The following CUX1 variants were observed in gnomAD, a reference collection of about 807,000 sequenced individuals.
CUX1 encodes the protein cut like homeobox 1.
A neutral mutation model predicts 158.8 loss-of-function variants in CUX1; 31 were observed. The ratio of observed to expected loss-of-function variants is 0.20; its 90% CI spans 0.15 to 0.26. The LOEUF is 0.26. Among genes scored for constraint, CUX1 ranks in the 10% least tolerant of loss-of-function variants. CUX1 has a pLI of 1.00. For missense variants in CUX1, 1,589 were observed against 2,014.6 expected (o/e 0.79, Z 4.04); for synonymous variants, 879 against 862.1 (o/e 1.02, Z -0.34).
intron 7 of CUX1, 76 bp from the exon 8 acceptor site, chr7:102,115,131 G>T: frequency 7.8e-7 from 1 of 1,287,668 alleles, no homozygotes; most frequent in South Asian, 1.3e-5. Context: ...TGCCTCTTTT[G>T]AAATGGGAAT....
chr7:102,046,512 C>T (rs555800312), intron 3 of CUX1, among the ~76,000 whole-genome samples: 7 of 151,334 alleles, frequency 4.6e-5, no homozygotes, highest in African/African-American at 1.7e-4. Flanking sequence ...GGATTACAGG[C>T]GTAAGCCACT....
At chr7:101,990,623 C>A (rs532888650) in intron 2 of CUX1, among the ~76,000 whole-genome samples, 1 of 152,114 alleles carries the variant, frequency 6.6e-6, no homozygotes, top group East Asian at 1.9e-4. Flanking sequence ...GTGACGCTCC[C>A]ACCTCGGCCT....
rs1311085453 is a variant in CUX1, at chr7:102,204,658, G to A, written c.3073+102G>A. The A allele has an allele frequency of 2.1e-5, 30 of 1,455,698 alleles. No homozygotes were observed. In the East Asian group the frequency reaches 2.8e-4, roughly 14 times the overall value. 90.2% of individuals were successfully genotyped at this position (1,455,698 alleles called of 1,614,324 possible). ...ATGCAGAGAGGGAGGAGGGAACTCC[G>A]CCCCAGGAGGTGGCCAACCACACTC... On this transcript the variant is annotated intron_variant, in intron 19 of 23. Transcript: ENST00000292535.
intron 6 of CUX1, 46 bp downstream of exon 6, chr7:102,104,505 C>T: frequency 6.3e-7 from 1 of 1,595,690 alleles, no homozygotes; most frequent in Non-Finnish European, 8.5e-7. Context: ...AGCATTTGCC[C>T]CTGAACTTCA....
intron 11 of CUX1, among the ~76,000 whole-genome samples, chr7:102,183,227 T>C (rs1554514502): frequency 6.6e-6 from 1 of 152,184 alleles, no homozygotes; most frequent in Non-Finnish European, 1.5e-5. Context: ...TTGGCCAGGC[T>C]GGTCACGAGC....
chr7:102,004,184 C>T (rs1318043628), intron 2 of CUX1, among the ~76,000 whole-genome samples: 2 of 152,154 alleles, frequency 1.3e-5, no homozygotes, highest in Admixed American at 6.6e-5. Flanking sequence ...CCCCAGAGCC[C>T]GGCTGTTACC....
chr7:102,161,929 A>C (rs1167119366), intron 9 of CUX1, among the ~76,000 whole-genome samples: 1 of 152,100 alleles, frequency 6.6e-6, no homozygotes, highest in Non-Finnish European at 1.5e-5. Flanking sequence ...TTTAGACTGG[A>C]AGCCACAGTA....
intron 9 of CUX1, among the ~76,000 whole-genome samples, chr7:102,162,355 C>T (rs1255521324): frequency 1.3e-5 from 2 of 152,202 alleles, no homozygotes; most frequent in African/African-American, 2.4e-5. Context: ...CTCACTGCAA[C>T]CTCCCCGTCC....
At chr7:102,107,126 TG>T (rs1830440726) in intron 6 of CUX1, among the ~76,000 whole-genome samples, 1 of 151,824 alleles carries the variant, frequency 6.6e-6, no homozygotes, top group African/African-American at 2.4e-5. Flanking sequence ...CTCAGCTACT[TG>T]GGAGGCTGAG....
chr7:102,073,164 T>TC, intron 4 of CUX1, among the ~76,000 whole-genome samples: 1 of 124,080 alleles, frequency 8.1e-6, no homozygotes, highest in African/African-American at 3.3e-5. Context: ...CTCTTTTCTT[T>TC]CTTTTTTTTT....
At chr7:102,182,943 C>T (rs1337237898) in intron 11 of CUX1, among the ~76,000 whole-genome samples, 2 of 152,210 alleles carry the variant, frequency 1.3e-5, no homozygotes, top group Non-Finnish European at 2.9e-5. Context: ...AAGATCAGTG[C>T]TTCCCACTGG....
chr7:102,045,442 G>A (rs1472554475), intron 3 of CUX1, among the ~76,000 whole-genome samples: 1 of 152,226 alleles, frequency 6.6e-6, no homozygotes, highest in Non-Finnish European at 1.5e-5. Context: ...GCGCCCGCGC[G>A]CCCCCTCCGA....
At chr7:102,019,691 C>T (rs186884976) in intron 2 of CUX1, among the ~76,000 whole-genome samples, 4 of 152,300 alleles carry the variant, frequency 2.6e-5, no homozygotes, top group East Asian at 1.9e-4. Context: ...CAGCCCTTCC[C>T]GTGGTGGAGT....
At chr7:101,989,368 G>T (rs1253504344) in intron 2 of CUX1, among the ~76,000 whole-genome samples, 1 of 152,248 alleles carries the variant, frequency 6.6e-6, no homozygotes, top group African/African-American at 2.4e-5. Context: ...GGCTCGGCGT[G>T]CCGCACTGGC....
intron 3 of CUX1, among the ~76,000 whole-genome samples, chr7:102,034,888 C>T (rs1234366964): frequency 1.8e-4 from 28 of 151,800 alleles, no homozygotes; most frequent in African/African-American, 6.3e-4. Context: ...GAGCCGAGAT[C>T]GCGCCACCGC....
At position 102,248,751 on chromosome 7, in the gene CUX1, C is replaced by A; in HGVS notation, c.4227C>A (p.Thr1409=). 4 of 1,040,734 alleles carry A rather than the reference C, an allele frequency of 3.8e-6. No homozygotes were observed. The highest frequency in any genetic ancestry group is 3.5e-6 in the Non-Finnish European group (3 of 865,318). 64.5% of individuals were successfully genotyped at this position (1,040,734 alleles called of 1,614,324 possible). The part of the protein sequence containing the change: ...PGPLPSPASA[T]ATAAPAAPED... The stretch of plus-strand genomic sequence containing the variant: ...CCCTGCCCAGCCCCGCCTCCGCGAC[C>A]GCCACCGCCGCGCCCGCGGCCCCCG... Residue 1409 remains threonine, a synonymous_variant, in exon 24 of 24, where the codon ACC becomes ACA. Transcript: ENST00000292535. The surrounding 1 kb of genome is among the most constrained non-coding windows in gnomAD (Gnocchi z 5.8).
chr7:102,050,346 C>T (rs1823340453), intron 3 of CUX1, among the ~76,000 whole-genome samples: 1 of 152,150 alleles, frequency 6.6e-6, no homozygotes, highest in South Asian at 2.1e-4. Flanking sequence ...ATTATAGGAT[C>T]CTCTAGGTCC....
At chr7:102,027,766 G>A (rs1234569558) in intron 2 of CUX1, among the ~76,000 whole-genome samples, 1 of 152,202 alleles carries the variant, frequency 6.6e-6, no homozygotes, top group East Asian at 1.9e-4. Flanking sequence ...GTAGGCTGAG[G>A]TGGGAGGATG....
Position 102,250,862 on chromosome 7 carries a change from AC to A in CUX1, c.*1822del. On this transcript the variant is annotated 3_prime_UTR_variant, in exon 24 of 24. Transcript: ENST00000292535. Reference sequence around the variant, plus strand: ...TGCACACGTAGAGTGCATTACTGCCACCTTTTTCAATAAGCTGTTTTATCAG... The same window carrying A: ...TGCACACGTAGAGTGCATTACTGCCACTTTTTCAATAAGCTGTTTTATCAG... 3.0e-6 allele frequency: 3 copies of A among 985,308 alleles called. No homozygotes were observed. The highest frequency in any genetic ancestry group is 3.6e-6 in the Non-Finnish European group (3 of 829,926). The allele number at this position is 985,308 out of a possible 1,614,324, so 61.0% of individuals were successfully genotyped here. A position where few individuals can be genotyped will look rare whatever the true frequency, so the allele number is the denominator to read the frequency against.
Sources: allele counts gnomAD v4.1 joint callset (sites outside exome capture counted in the v4.1 genomes callset), GRCh38; gene constraint gnomAD v4.1.1; non-coding constraint Gnocchi (gnomAD v3.1); transcripts MANE v1.5; gene names NCBI Gene and HGNC (gene_info 2026-07-23, HGNC 2026-07-21).